The following PTPRK variants were observed in gnomAD, a reference collection of about 807,000 sequenced individuals.
PTPRK encodes the protein protein tyrosine phosphatase receptor type K, also known as receptor-type tyrosine-protein phosphatase kappa.
In PTPRK, 75 loss-of-function variants were observed where a neutral mutation model predicts 178.0. The ratio of observed to expected loss-of-function variants is 0.42; its 90% CI spans 0.35 to 0.51. PTPRK has a LOEUF of 0.51. Ranked by LOEUF, PTPRK falls within the 20% of genes least tolerant of loss-of-function variation. PTPRK has a pLI of 0.02. For synonymous variants in PTPRK, 637 were observed against 620.6 expected (o/e 1.03, Z -0.39); for missense variants, 1,441 against 1,797.8 (o/e 0.80, Z 3.59).
At chr6:127,996,020 T>C (rs1252176529) in intron 17 of PTPRK, among the ~76,000 whole-genome samples, 2 of 152,118 alleles carry the variant, frequency 1.3e-5, no homozygotes, top group Non-Finnish European at 2.9e-5. Context: ...TAATTTAAAT[T>C]CAGAGCAGAG....
At chr6:128,091,894 C>A (rs1787026146) in intron 7 of PTPRK, among the ~76,000 whole-genome samples, 1 of 152,156 alleles carries the variant, frequency 6.6e-6, no homozygotes, top group South Asian at 2.1e-4. Flanking sequence ...AGACATCTTA[C>A]ACACTGTAAA....
intron 1 of PTPRK, among the ~76,000 whole-genome samples, chr6:128,427,024 T>C (rs1844224260): frequency 1.3e-5 from 2 of 152,204 alleles, no homozygotes; most frequent in African/African-American, 4.8e-5. Context: ...GTTTAAAGAT[T>C]ATGATCTTCC....
intron 2 of PTPRK, among the ~76,000 whole-genome samples, chr6:128,375,058 C>CATTATTATT (rs58185524): frequency 0.011 from 1,409 of 132,262 alleles, 10 homozygotes; most frequent in Middle Eastern, 0.011. Context: ...AGAAACACTG[C>CATTATTATT]ATTATTATTA....
chr6:128,468,434 A>G (rs1218510343), intron 1 of PTPRK, among the ~76,000 whole-genome samples: 1 of 145,798 alleles, frequency 6.9e-6, no homozygotes, highest in Non-Finnish European at 1.6e-5. Flanking sequence ...AGAGCCTGAC[A>G]ATACAATACA....
chr6:128,018,780 T>C (rs1039014001), intron 13 of PTPRK, among the ~76,000 whole-genome samples: 6 of 152,076 alleles, frequency 3.9e-5, no homozygotes, highest in African/African-American at 7.2e-5. Context: ...ATAAATATTA[T>C]AGCATCACAG....
At chr6:128,267,367 T>C (rs1819122811) in intron 3 of PTPRK, among the ~76,000 whole-genome samples, 2 of 152,124 alleles carry the variant, frequency 1.3e-5, no homozygotes, top group South Asian at 4.1e-4. Flanking sequence ...TGCTGTATCA[T>C]TTAAAACCCA....
At chr6:128,413,047 C>T (rs914036397) in intron 1 of PTPRK, among the ~76,000 whole-genome samples, 2 of 152,124 alleles carry the variant, frequency 1.3e-5, no homozygotes, top group African/African-American at 4.8e-5. Context: ...ATATTTTTAA[C>T]CTAGTTTATT....
chr6:128,349,430 C>T (rs1584294469), intron 2 of PTPRK, among the ~76,000 whole-genome samples: 1 of 151,976 alleles, frequency 6.6e-6, no homozygotes, highest in Admixed American at 6.6e-5. Context: ...TAGTTTAATG[C>T]TTTCATGATC....
At chr6:128,240,462 AAC>A (rs1814207798) in intron 4 of PTPRK, among the ~76,000 whole-genome samples, 1 of 152,158 alleles carries the variant, frequency 6.6e-6, no homozygotes, top group Non-Finnish European at 1.5e-5. Context: ...ATGATAATAA[AAC>A]AGTTACAAAC....
At chr6:128,155,572 G>GT (rs2114580951) in intron 7 of PTPRK, among the ~76,000 whole-genome samples, 1 of 151,436 alleles carries the variant, frequency 6.6e-6, no homozygotes, top group Non-Finnish European at 1.5e-5. Flanking sequence ...TGGTGTAAAA[G>GT]TAACTGCAGG....
chr6:128,498,309 T>C (rs534208507), intron 1 of PTPRK, among the ~76,000 whole-genome samples: 56 of 152,298 alleles, frequency 3.7e-4, no homozygotes, highest in Admixed American at 6.5e-4. Context: ...GCCCAGAGAA[T>C]CTACATTTGG....
Position 128,172,768 on chromosome 6 carries a change from CAT to C in PTPRK, c.1162+11662_1162+11663del, listed in dbSNP as rs575986634. On this transcript the variant is annotated intron_variant, in intron 7 of 29. Transcript: ENST00000368226. ...CGTACATATAAGTGTGTAACATGTA[CAT>C]ATGTGTGTACATACGTGTGTATATG... Among the ~76,000 whole-genome samples the C allele has an allele frequency of 3.3e-3, 504 of 151,574 alleles. 5 individuals are homozygous for C. Among genetic ancestry groups the C allele is most frequent in the African/African-American group, 0.011 (461 of 41,328 alleles).
chr6:128,150,415 T>C (rs1583229909), intron 7 of PTPRK, among the ~76,000 whole-genome samples: 1 of 152,008 alleles, frequency 6.6e-6, no homozygotes, highest in Non-Finnish European at 1.5e-5. Context: ...TAAAACCTAA[T>C]AAATTGGTAT....
intron 2 of PTPRK, among the ~76,000 whole-genome samples, chr6:128,383,117 T>G (rs1838182321): frequency 6.6e-6 from 1 of 152,206 alleles, no homozygotes; most frequent in African/African-American, 2.4e-5. Context: ...AAGAAGAGTC[T>G]GTTTCTTGGT....
chr6:128,345,076 T>G (rs1832243446), intron 2 of PTPRK, among the ~76,000 whole-genome samples: 1 of 148,014 alleles, frequency 6.8e-6, no homozygotes, highest in Non-Finnish European at 1.5e-5. Context: ...AAAATCAGAG[T>G]AACTACTATG....
intron 3 of PTPRK, among the ~76,000 whole-genome samples, chr6:128,250,544 A>T (rs1235223534): frequency 6.6e-6 from 1 of 152,194 alleles, no homozygotes; most frequent in Non-Finnish European, 1.5e-5. Context: ...GAAATATGAG[A>T]ATAGACATTT....
intron 1 of PTPRK, chr6:128,491,823 A>T (rs866679861): frequency 1.9e-6 from 1 of 516,980 alleles, no homozygotes; most frequent in Middle Eastern, 3.2e-4. Flanking sequence ...CAACAGCAGC[A>T]AAAGTTACCG....
At chr6:128,258,800 G>A (rs1463770917) in intron 3 of PTPRK, among the ~76,000 whole-genome samples, 1 of 152,154 alleles carries the variant, frequency 6.6e-6, no homozygotes, top group Admixed American at 6.5e-5. Flanking sequence ...GCCATTCCAG[G>A]CGGAGGGAAT....
intron 3 of PTPRK, among the ~76,000 whole-genome samples, chr6:128,295,769 A>G (rs1163467099): frequency 6.6e-6 from 1 of 152,080 alleles, no homozygotes; most frequent in Non-Finnish European, 1.5e-5. Context: ...TGATTCTCCA[A>G]AATTAAATTT....
Sources: gnomAD v4.1 joint callset for allele counts (sites outside exome capture counted in the v4.1 genomes callset) on GRCh38, gnomAD v4.1.1 for gene constraint, MANE v1.5 for transcripts, NCBI Gene and HGNC (gene_info 2026-07-23, HGNC 2026-07-21) for gene names.